PARD3B: variants seen among roughly 807,000 people sequenced by gnomAD.
PARD3B encodes par-3 family cell polarity regulator beta.
A neutral mutation model predicts 130.2 loss-of-function variants in PARD3B; 103 were observed. The observed-to-expected ratio is 0.79, with a 90% CI of 0.67 to 0.93. The LOEUF is 0.93. Ranked by LOEUF, PARD3B falls within the 40% of genes least tolerant of loss-of-function variation. The pLI is 0.00. For missense variants in PARD3B, 1,609 were observed against 1,499.2 expected (o/e 1.07, Z -1.21); for synonymous variants, 583 against 553.2 (o/e 1.05, Z -0.76).
chr2:205,559,319 A>AT (rs1261763417), intron 22 of PARD3B, among the ~76,000 whole-genome samples: 2 of 151,912 alleles, frequency 1.3e-5, no homozygotes, highest in African/African-American at 2.4e-5. Flanking sequence ...TAAATTTTGC[A>AT]TTTTTTTGTA....
chr2:204,934,765 A>G (rs1688284004), intron 2 of PARD3B, among the ~76,000 whole-genome samples: 2 of 152,200 alleles, frequency 1.3e-5, no homozygotes. Context: ...CAGGGTTTAG[A>G]AACAAAGTGG....
intron 1 of PARD3B, among the ~76,000 whole-genome samples, chr2:204,681,280 TGG>T (rs2125233375): frequency 6.6e-6 from 1 of 152,196 alleles, no homozygotes; most frequent in Non-Finnish European, 1.5e-5. Flanking sequence ...TTTTTAGATC[TGG>T]AAGTAAATAT....
At chr2:205,323,924 T>C (rs1337398088) in intron 18 of PARD3B, among the ~76,000 whole-genome samples, 1 of 152,202 alleles carries the variant, frequency 6.6e-6, no homozygotes, top group Non-Finnish European at 1.5e-5. Context: ...ATAAGAATTA[T>C]GTTTGTTTTT....
chr2:204,685,282 G>T (rs1342457462), intron 1 of PARD3B, among the ~76,000 whole-genome samples: 4 of 152,068 alleles, frequency 2.6e-5, no homozygotes, highest in African/African-American at 9.7e-5. Context: ...ACTTTGAGGG[G>T]CTTTCTAAGA....
At chr2:204,764,355 C>T (rs2041041309) in intron 2 of PARD3B, among the ~76,000 whole-genome samples, 1 of 152,106 alleles carries the variant, frequency 6.6e-6, no homozygotes, top group Admixed American at 6.6e-5. Context: ...CCATTGTGAG[C>T]ATGTCTGGGC....
In PARD3B at chr2:205,146,255, G is replaced by A. The variant is rs1032656528; in HGVS notation, c.1435-12467G>A. On this transcript the variant is annotated intron_variant, in intron 10 of 22. Coordinates refer to ENST00000406610, the MANE Select transcript of PARD3B (RefSeq NM_001302769.2). This position sits in a 1 kb window ranked among gnomAD's most constrained non-coding sequence, Gnocchi z 4.3. ...CAGGTAGCCTGGCATCAAAGAATTT[G>A]TGATAGCAAAGATATTGGAAGTATC... 3.9e-5 allele frequency among the ~76,000 whole-genome samples: 6 copies of A among 152,160 alleles called. No individual in the cohort carries two copies. Among genetic ancestry groups the A allele is most frequent in the African/African-American group, 1.4e-4 (6 of 41,450 alleles).
intron 2 of PARD3B, among the ~76,000 whole-genome samples, chr2:204,843,813 G>C (rs1001917350): frequency 2.0e-5 from 3 of 152,114 alleles, no homozygotes; most frequent in African/African-American, 7.2e-5. Flanking sequence ...TGTTCTCAAC[G>C]TGTCTTTATT....
intron 1 of PARD3B, among the ~76,000 whole-genome samples, chr2:204,626,185 G>A (rs181013522): frequency 1.1e-3 from 161 of 152,156 alleles, no homozygotes; most frequent in Non-Finnish European, 1.9e-3. Context: ...ATGTCTGGGT[G>A]GCAGATTTTT....
At chr2:205,573,175 G>A (rs2053619651) in intron 22 of PARD3B, among the ~76,000 whole-genome samples, 1 of 152,146 alleles carries the variant, frequency 6.6e-6, no homozygotes. Context: ...GGGGATTATG[G>A]AAACTATAGT....
At chr2:205,556,220 GT>G (rs1559213189) in intron 22 of PARD3B, among the ~76,000 whole-genome samples, 1 of 152,214 alleles carries the variant, frequency 6.6e-6, no homozygotes, top group Non-Finnish European at 1.5e-5. Flanking sequence ...TCTGTAGGAA[GT>G]CGGTGGCCAA....
Position 205,532,387 on chromosome 2 carries a change from G to GACTT in PARD3B, c.3181-20933_3181-20930dup, listed in dbSNP as rs528105428. Among the ~76,000 whole-genome samples, 124 of 152,206 alleles carry GACTT rather than the reference G, an allele frequency of 8.1e-4. 1 individual carries two copies. Among genetic ancestry groups the GACTT allele is most frequent in the Middle Eastern group, 3.4e-3 (1 of 294 alleles). ...TAAGTTCTTTGTTTCAGTTTTCTCA[G>GACTT]ACTTACTCCAGAAGGGGTGTGGAAA... On this transcript the variant is annotated intron_variant, in intron 21 of 22. Coordinates refer to ENST00000406610, the MANE Select transcript of PARD3B (RefSeq NM_001302769.2).
At chr2:204,837,320 C>T (rs1333197938) in intron 2 of PARD3B, among the ~76,000 whole-genome samples, 1 of 151,802 alleles carries the variant, frequency 6.6e-6, no homozygotes, top group Non-Finnish European at 1.5e-5. Flanking sequence ...GAAATTAATG[C>T]ATTTAGTTTA....
At chr2:204,656,806 A>T (rs1325503074) in intron 1 of PARD3B, among the ~76,000 whole-genome samples, 1 of 152,226 alleles carries the variant, frequency 6.6e-6, no homozygotes, top group Admixed American at 6.5e-5. Context: ...GCAAATGCCT[A>T]AACCCTCATG....
chr2:205,464,713 G>T (rs1187756556), intron 20 of PARD3B, among the ~76,000 whole-genome samples: 1 of 152,124 alleles, frequency 6.6e-6, no homozygotes, highest in Non-Finnish European at 1.5e-5. Flanking sequence ...CCTGCTTCTA[G>T]GCAGAAGACC....
intron 15 of PARD3B, among the ~76,000 whole-genome samples, chr2:205,219,011 C>T (rs1262449117): frequency 2.0e-5 from 3 of 150,986 alleles, no homozygotes; most frequent in South Asian, 2.1e-4. Context: ...ATCTGAGAGG[C>T]GGAAGTTACG....
chr2:205,348,785 T>A (rs571695871), intron 18 of PARD3B, among the ~76,000 whole-genome samples: 2 of 152,302 alleles, frequency 1.3e-5, no homozygotes, highest in Non-Finnish European at 2.9e-5. Context: ...TTGAATTCTG[T>A]CATTTAAGTG....
intron 19 of PARD3B, among the ~76,000 whole-genome samples, chr2:205,416,425 A>T (rs1012135399): frequency 3.9e-5 from 6 of 152,098 alleles, no homozygotes; most frequent in African/African-American, 1.4e-4. Context: ...GATACCAGTG[A>T]AGAGAATTAG....
intron 3 of PARD3B, among the ~76,000 whole-genome samples, chr2:205,000,867 G>T (rs542483967): frequency 4.1e-4 from 62 of 152,128 alleles, no homozygotes; most frequent in Non-Finnish European, 8.5e-4. Context: ...GACATGCTTT[G>T]CATAACATTA....
intron 15 of PARD3B, among the ~76,000 whole-genome samples, chr2:205,213,528 G>A (rs931532145): frequency 6.6e-6 from 1 of 152,248 alleles, no homozygotes; most frequent in East Asian, 1.9e-4. Context: ...CGTGGACCAC[G>A]ATGATTGATT....
Sources: allele counts gnomAD v4.1 joint callset (sites outside exome capture counted in the v4.1 genomes callset), GRCh38; gene constraint gnomAD v4.1.1; non-coding constraint Gnocchi (gnomAD v3.1); transcripts MANE v1.5; gene names NCBI Gene and HGNC (gene_info 2026-07-23, HGNC 2026-07-21).